The following TET2 variants were observed in gnomAD, a reference collection of about 807,000 sequenced individuals.
TET2 encodes methylcytosine dioxygenase TET2.
A neutral mutation model predicts 142.9 loss-of-function variants in TET2; 299 were observed. That is an observed-to-expected ratio of 2.09 (90% CI 1.90 to 2.30). The LOEUF (loss-of-function observed/expected upper bound fraction) is 2.30. Among genes scored for constraint, TET2 ranks in the 30% most tolerant of loss-of-function variants. TET2 has a pLI of 0.00. For synonymous variants in TET2, 819 were observed against 849.0 expected, an observed-to-expected ratio of 0.96 and a Z score of 0.61; for missense variants, 2,418 against 2,378.0, an observed-to-expected ratio of 1.02 and a Z score of -0.35.
intron 1 of TET2, among the ~76,000 whole-genome samples, chr4:105,156,822 A>G (rs940182927): frequency 1.3e-5 from 2 of 152,208 alleles, no homozygotes; most frequent in Non-Finnish European, 2.9e-5. Flanking sequence ...GAGTAATACA[A>G]TGAGACCACA....
chr4:105,159,506 CGGCCCCCCAAAGTGCTGGGATTACA>C (rs1057406415), intron 1 of TET2, among the ~76,000 whole-genome samples: 12 of 152,192 alleles, frequency 7.9e-5, no homozygotes, highest in South Asian at 2.1e-4. Flanking sequence ...CCGCTTGCTT[CGGCCCCCCAAAGTGCTGGGATTACA>C]GGCTTGAGCC....
intron 6 of TET2, among the ~76,000 whole-genome samples, chr4:105,256,519 T>C (rs890283247): frequency 6.6e-6 from 1 of 152,156 alleles, no homozygotes; most frequent in African/African-American, 2.4e-5. Flanking sequence ...ACAGTTTTCA[T>C]GATTTTCTTG....
In TET2 at chr4:105,236,882, A is replaced by G. The variant is rs1286144146; in HGVS notation, c.2940A>G (p.Pro980=). Residue 980 remains proline, a synonymous_variant, in exon 3 of 11, where the codon CCA becomes CCG. Transcript: ENST00000380013. ...TESCHSQMHR[P]IKVEPGCKPH... is the part of the protein sequence containing the mutation. ...CTTGCCATAGTCAGATGCACAGGCC[A>G]ATTAAGGTGGAACCTGGATGCAAGC... 1.9e-6 allele frequency: 3 copies of G among 1,614,036 alleles called. No homozygotes were observed. Among genetic ancestry groups the G allele is most frequent in the Non-Finnish European group, 1.7e-6 (2 of 1,180,028 alleles).
At chr4:105,231,616 T>C (rs996035403) in intron 2 of TET2, among the ~76,000 whole-genome samples, 1 of 152,230 alleles carries the variant, frequency 6.6e-6, no homozygotes, top group African/African-American at 2.4e-5. Flanking sequence ...ACAATAACTT[T>C]AGCGTTGCTT....
chr4:105,152,288 G>GA (rs1723341401), intron 1 of TET2, among the ~76,000 whole-genome samples: 2 of 151,908 alleles, frequency 1.3e-5, no homozygotes, highest in South Asian at 2.1e-4. Context: ...CTCAAAAAAA[G>GA]AAAAATAATA....
At chr4:105,238,076 A>G in intron 3 of TET2, 1 of 299,274 alleles carries the variant, frequency 3.3e-6, no homozygotes, top group Non-Finnish European at 5.8e-6. Flanking sequence ...TTCTCACTGT[A>G]TGTAAAAGTT....
At position 105,234,723 on chromosome 4, in the gene TET2, T is replaced by G. The variant is rs2110222820; in HGVS notation, c.781T>G (p.Ser261Ala). 1 of 1,614,078 alleles carries G rather than the reference T, an allele frequency of 6.2e-7. No homozygotes were observed. Among genetic ancestry groups the G allele is most frequent in the East Asian group, 2.2e-5 (1 of 44,844 alleles). Residue 261 changes from serine to alanine, a missense_variant, in exon 3 of 11, where the codon TCC becomes GCC. By Grantham distance (99) the Ser-to-Ala change is moderately conservative (BLOSUM62 1). Coordinates refer to ENST00000380013, the MANE Select transcript of TET2 (RefSeq NM_001127208.3). ...AINSQATNEL[S>A]CEITHPSHTS... ...TAACAGTCAGGCTACTAATGAGTTGTCCTGTGAGATCACTCACCCATCGCA... is the reference window on the plus strand; with the variant it reads ...TAACAGTCAGGCTACTAATGAGTTGGCCTGTGAGATCACTCACCCATCGCA...
chr4:105,210,404 T>G (rs976794724), intron 2 of TET2, among the ~76,000 whole-genome samples: 16 of 152,184 alleles, frequency 1.1e-4, no homozygotes, highest in African/African-American at 3.4e-4. Flanking sequence ...CTTCTCCAAC[T>G]GTACTCTTAC....
chr4:105,261,776 T>C lies in TET2; in HGVS notation c.3972T>C (p.Ser1324=). 6.5e-7 allele frequency: 1 copy of C among 1,547,872 alleles called. No homozygotes were observed. Among genetic ancestry groups the C allele is most frequent in the Non-Finnish European group, 8.7e-7 (1 of 1,144,304 alleles). ...DDPKEEEKLE[S]HLQNLSTLMA... ...TTATACAGGAAGAGAAACTGGAGTC[T>C]CATTTGCAAAACCTGTCCACTCTTA... is the stretch of plus-strand genomic sequence containing the variant. The change falls in exon 8 of 11, where the codon TCT becomes TCC. Residue 1324 remains serine (S), a synonymous_variant. Transcript: ENST00000380013.
chr4:105,275,123 C>T lies in TET2; in HGVS notation c.4613C>T (p.Pro1538Leu), dbSNP rs1731138508. The change falls in exon 11 of 11, where the codon CCC becomes CTC. Residue 1538 changes from proline (P) to leucine (L), a missense_variant. Coordinates refer to ENST00000380013, the MANE Select transcript of TET2 (RefSeq NM_001127208.3). ...CCTCTACAGAAGCAGCCACCACAGC[C>T]CCAGCAGCAGCAGAGACCCCAGCAG... ...PQPLQKQPPQ[P>L]QQQQRPQQQQ... 4.5e-6 allele frequency: 7 copies of T among 1,551,376 alleles called. No homozygotes were observed. The South Asian group carries it at 8.3e-5, about 18-fold the overall frequency.
chr4:105,252,503 A>G (rs1729920833), intron 6 of TET2, among the ~76,000 whole-genome samples: 2 of 152,196 alleles, frequency 1.3e-5, no homozygotes, highest in East Asian at 1.9e-4. Flanking sequence ...TGTGTGGACA[A>G]AAGTTTTCAG....
At chr4:105,228,942 C>T (rs1364277123) in intron 2 of TET2, among the ~76,000 whole-genome samples, 1 of 152,130 alleles carries the variant, frequency 6.6e-6, no homozygotes, top group African/African-American at 2.4e-5. Flanking sequence ...AAATTTTCTA[C>T]TTGTTCAATA....
At chr4:105,230,843 T>G (rs1308433026) in intron 2 of TET2, among the ~76,000 whole-genome samples, 1 of 152,184 alleles carries the variant, frequency 6.6e-6, no homozygotes, top group Non-Finnish European at 1.5e-5. Context: ...GTCATTAGAT[T>G]TTTTTAAGTT....
intron 2 of TET2, among the ~76,000 whole-genome samples, chr4:105,222,915 G>A (rs201035168): frequency 0.063 from 7,161 of 113,946 alleles, no homozygotes; most frequent in Non-Finnish European, 0.071. Flanking sequence ...AAGGGATCCA[G>A]TTTCAGCTTT....
At chr4:105,225,340 C>T (rs1353069828) in intron 2 of TET2, among the ~76,000 whole-genome samples, 1 of 152,008 alleles carries the variant, frequency 6.6e-6, no homozygotes. Flanking sequence ...ACTCATTTGC[C>T]TTCTCACTAG....
At chr4:105,214,288 TC>T (rs1232110717) in intron 2 of TET2, among the ~76,000 whole-genome samples, 2 of 140,052 alleles carry the variant, frequency 1.4e-5, no homozygotes. Flanking sequence ...CTTTCACTTG[TC>T]CCCCGAGGGA....
chr4:105,152,157 G>T (rs1723334512), intron 1 of TET2, among the ~76,000 whole-genome samples: 2 of 152,160 alleles, frequency 1.3e-5, no homozygotes. Flanking sequence ...CATGCCTGTA[G>T]TCTCAGCTAT....
At position 105,209,051 on chromosome 4, in the gene TET2, A is replaced by ATATATT. The variant is rs1726996503; in HGVS notation, c.-47+18551_-47+18552insTTATAT. ...TGAAATAGATGCCTCAAGGCATGGT[A>ATATATT]TATATATATATATATATATATATAT... is the stretch of plus-strand genomic sequence containing the variant. On this transcript the variant is annotated intron_variant, in intron 2 of 10. Transcript: ENST00000380013. 1.9e-4 allele frequency among the ~76,000 whole-genome samples: 7 copies of ATATATT among 36,342 alleles called. No homozygotes were observed. In the South Asian group the frequency reaches 6.5e-3, roughly 34 times the overall value. 23.8% of individuals were successfully genotyped at this position (36,342 alleles called of 152,430 possible).
In TET2 at chr4:105,235,918, A is replaced by G. The variant is rs148452509; in HGVS notation, c.1976A>G (p.Gln659Arg). Residue 659 changes from glutamine (Q) to arginine (R), a missense_variant, in exon 3 of 11, where the codon CAG (glutamine) becomes CGG (arginine). Transcript: ENST00000380013. ...CTCCAGTTCCAAAAACCCTCACACCAGGTGCACTTCTCCAAAACAGACCAT... is the reference window on the plus strand; with the variant it reads ...CTCCAGTTCCAAAAACCCTCACACCGGGTGCACTTCTCCAAAACAGACCAT... ...QHLQFQKPSH[Q>R]VHFSKTDHLP... 29 of 1,614,012 alleles carry G rather than the reference A, an allele frequency of 1.8e-5. No individual in the cohort carries two copies. The highest frequency in any genetic ancestry group is 2.0e-5 in the Non-Finnish European group (24 of 1,180,026).
Sources: gnomAD v4.1 joint callset for allele counts (sites outside exome capture counted in the v4.1 genomes callset) on GRCh38, gnomAD v4.1.1 for gene constraint, MANE v1.5 for transcripts, NCBI Gene and HGNC (gene_info 2026-07-23, HGNC 2026-07-21) for gene names.